GCNT2: variants seen among roughly 807,000 people sequenced by gnomAD.
The protein encoded by GCNT2 is N-acetyllactosaminide beta-1,6-N-acetylglucosaminyl-transferase.
A neutral mutation model predicts 34.2 loss-of-function variants in GCNT2; 34 were observed. The ratio of observed to expected loss-of-function variants is 1.00; its 90% CI spans 0.76 to 1.32. GCNT2 has a LOEUF of 1.32. Ranked by LOEUF, GCNT2 falls within the 40% of genes most tolerant of loss-of-function variation. The pLI, the probability that GCNT2 is intolerant of heterozygous loss-of-function variation, is 0.00. For missense variants in GCNT2, 584 were observed against 489.4 expected (o/e 1.19, Z -1.82); for synonymous variants, 212 against 188.0 (o/e 1.13, Z -1.04).
intron 3 of GCNT2, among the ~76,000 whole-genome samples, chr6:10,584,450 T>C (rs1373762541): frequency 6.6e-6 from 1 of 152,112 alleles, no homozygotes; most frequent in East Asian, 1.9e-4. Flanking sequence ...CTTCCTCTTA[T>C]CTCAACCGCA....
At chr6:10,532,253 G>A (rs745643233) in intron 3 of GCNT2, among the ~76,000 whole-genome samples, 23 of 152,122 alleles carry the variant, frequency 1.5e-4, no homozygotes, top group Admixed American at 7.9e-4. Context: ...TTCTCGACTC[G>A]ATGTATCTAT....
At chr6:10,584,415 C>T (rs1454174644) in intron 3 of GCNT2, among the ~76,000 whole-genome samples, 1 of 152,134 alleles carries the variant, frequency 6.6e-6, no homozygotes, top group African/African-American at 2.4e-5. Flanking sequence ...CATTCCATTC[C>T]CAGGGACGTG....
Position 10,626,773 on chromosome 6 carries a change from A to G in GCNT2, c.*166A>G. The G allele has an allele frequency of 3.2e-6, 2 of 630,770 alleles. No individual in the cohort carries two copies. Among genetic ancestry groups the G allele is most frequent in the South Asian group, 3.6e-5 (2 of 54,912 alleles). 39.1% of individuals were successfully genotyped at this position (630,770 alleles called of 1,614,324 possible). A position where few individuals can be genotyped will look rare whatever the true frequency, so the allele number is the denominator to read the frequency against. On this transcript the variant is annotated 3_prime_UTR_variant, in exon 5 of 5. Transcript: ENST00000495262. The stretch of plus-strand genomic sequence containing the variant: ...TTAAAATATCCACTGGACACTGTGA[A>G]ATACACTAACAGGATGGCTGGGTAG...
intron 3 of GCNT2, among the ~76,000 whole-genome samples, chr6:10,598,110 C>G (rs549868599): frequency 6.6e-6 from 1 of 152,002 alleles, no homozygotes; most frequent in African/African-American, 2.4e-5. Flanking sequence ...AGGTCATCTC[C>G]GAAGAGATTC....
chr6:10,537,900 A>C (rs1761848018), intron 3 of GCNT2, among the ~76,000 whole-genome samples: 1 of 151,898 alleles, frequency 6.6e-6, no homozygotes, highest in African/African-American at 2.4e-5. Context: ...ATGTCATGTG[A>C]TTTCTTGAAT....
At chr6:10,539,206 T>TTTTTTTTTTTGG (rs1491477004) in intron 3 of GCNT2, among the ~76,000 whole-genome samples, 3 of 136,166 alleles carry the variant, frequency 2.2e-5, no homozygotes, top group Non-Finnish European at 3.2e-5. Flanking sequence ...TTTTTTTTTT[T>TTTTTTTTTTTGG]GAGGCAGAGT....
chr6:10,557,370 A>G, intron 3 of GCNT2: 1 of 1,565,418 alleles, frequency 6.4e-7, no homozygotes, highest in Non-Finnish European at 8.8e-7. Flanking sequence ...TTTCATGCAA[A>G]AGAAATGTGT....
intron 1 of GCNT2, among the ~76,000 whole-genome samples, chr6:10,524,873 G>A (rs1198486678): frequency 6.7e-6 from 1 of 148,276 alleles, no homozygotes; most frequent in East Asian, 2.0e-4. Context: ...AAAGAAAAAG[G>A]ACAAAATGTG....
At chr6:10,598,995 T>C (rs1764977917) in intron 3 of GCNT2, among the ~76,000 whole-genome samples, 2 of 152,194 alleles carry the variant, frequency 1.3e-5, no homozygotes, top group South Asian at 4.1e-4. Context: ...TTCCACCCAA[T>C]TGCCCTCGTT....
Position 10,529,296 on chromosome 6 carries a change from G to T in GCNT2, c.385G>T (p.Asp129Tyr). The T allele has an allele frequency of 2.5e-6, 4 of 1,614,180 alleles. No individual in the cohort carries two copies. Among genetic ancestry groups the T allele is most frequent in the Non-Finnish European group, 3.4e-6 (4 of 1,180,036 alleles). ...MPQNVYCVHL[D>Y]QKATDAFKGA... ...CCAAAATGTCTACTGTGTGCACCTG[G>T]ATCAGAAGGCGACGGATGCCTTTAA... The change falls in exon 3 of 5, where the codon GAT (aspartate) becomes TAT (tyrosine). Residue 129 changes from aspartate to tyrosine, a missense_variant. Transcript: ENST00000495262.
At chr6:10,621,912 C>T (rs1336522151) in intron 4 of GCNT2, among the ~76,000 whole-genome samples, 1 of 152,064 alleles carries the variant, frequency 6.6e-6, no homozygotes, top group African/African-American at 2.4e-5. Context: ...TTGTTTATTC[C>T]TCTTGCTGTG....
chr6:10,538,214 C>T (rs1244836598), intron 3 of GCNT2, among the ~76,000 whole-genome samples: 1 of 151,360 alleles, frequency 6.6e-6, no homozygotes, highest in Non-Finnish European at 1.5e-5. Context: ...TCGAGACCAG[C>T]CTGGCCAACG....
rs573852962 is a variant in GCNT2, at chr6:10,616,273, C to G, written c.926-5078C>G. On this transcript the variant is annotated intron_variant, in intron 3 of 4. Coordinates refer to ENST00000495262, the MANE Select transcript of GCNT2 (RefSeq NM_145649.5). The stretch of plus-strand genomic sequence containing the variant: ...TGGCTTCAGGAGTAAAGTTGCAGAC[C>G]TTCGTGGTGAGTGTTACCACTCATA... Among the ~76,000 whole-genome samples, 6 of 152,254 alleles carry G rather than the reference C, an allele frequency of 3.9e-5. No homozygotes were observed. In the East Asian group the frequency reaches 9.7e-4, roughly 24 times the overall value.
chr6:10,626,760 C>T lies in GCNT2; in HGVS notation c.*153C>T. 1.5e-6 allele frequency: 1 copy of T among 656,948 alleles called. No individual in the cohort carries two copies. 40.7% of individuals were successfully genotyped at this position (656,948 alleles called of 1,614,324 possible). On this transcript the variant is annotated 3_prime_UTR_variant, in exon 5 of 5. Coordinates refer to ENST00000495262, the MANE Select transcript of GCNT2 (RefSeq NM_145649.5). ...TACGTAATTATACTTAAAATATCCA[C>T]TGGACACTGTGAAATACACTAACAG...
Position 10,614,644 on chromosome 6 carries a change from A to AAAAG in GCNT2, c.926-6706_926-6705insAAGA, listed in dbSNP as rs1214651898. On this transcript the variant is annotated intron_variant, in intron 3 of 4. Coordinates refer to ENST00000495262, the MANE Select transcript of GCNT2 (RefSeq NM_145649.5). ...CTGTCTCAAAAAAAAAAAAAAAAAAAAGAGAAAAAGAAGAAAGGTAGAAGA... is the reference window on the plus strand; with the variant it reads ...CTGTCTCAAAAAAAAAAAAAAAAAAAAAAGAGAGAAAAAGAAGAAAGGTAGAAGA... Among the ~76,000 whole-genome samples the AAAAG allele has an allele frequency of 1.1e-4, 16 of 143,976 alleles. 1 individual carries two copies. Among genetic ancestry groups the AAAAG allele is most frequent in the African/African-American group, 3.2e-4 (12 of 37,214 alleles). The allele number at this position is 143,976 out of a possible 152,430, so 94.5% of individuals were successfully genotyped here.
chr6:10,616,744 A>C (rs61061237), intron 3 of GCNT2, among the ~76,000 whole-genome samples: 3,627 of 152,240 alleles, frequency 0.024, 139 homozygotes, highest in African/African-American at 0.083. Context: ...CTTGAGGTAG[A>C]TACAGAGTGC....
intron 1 of GCNT2, among the ~76,000 whole-genome samples, chr6:10,524,432 A>G (rs1237424176): frequency 6.6e-6 from 1 of 151,968 alleles, no homozygotes; most frequent in East Asian, 1.9e-4. Context: ...TTGTATTTTC[A>G]GTAGAGACAG....
chr6:10,589,915 T>C (rs1764558468), intron 3 of GCNT2, among the ~76,000 whole-genome samples: 1 of 152,176 alleles, frequency 6.6e-6, no homozygotes, highest in Admixed American at 6.5e-5. Context: ...ATGCAGACAT[T>C]TAAGAAGCTC....
chr6:10,567,292 A>G (rs1763325264), intron 3 of GCNT2, among the ~76,000 whole-genome samples: 1 of 152,136 alleles, frequency 6.6e-6, no homozygotes, highest in African/African-American at 2.4e-5. Context: ...ACTCATCTCT[A>G]CAAAATATAC....
Sources: gnomAD v4.1 joint callset for allele counts (sites outside exome capture counted in the v4.1 genomes callset) on GRCh38, gnomAD v4.1.1 for gene constraint, MANE v1.5 for transcripts, NCBI Gene and HGNC (gene_info 2026-07-23, HGNC 2026-07-21) for gene names.